COL13A1: variants seen among roughly 807,000 people sequenced by gnomAD.
COL13A1 encodes the protein collagen type XIII alpha 1 chain.
COL13A1 carries 89 observed loss-of-function variants against 130.9 expected under a neutral mutation model. The observed-to-expected ratio is 0.68, with a 90% CI of 0.57 to 0.81. The LOEUF (loss-of-function observed/expected upper bound fraction) is 0.81, where lower values mean the gene tolerates loss of function less well. Ranked by LOEUF, COL13A1 falls within the 30% of genes least tolerant of loss-of-function variation. COL13A1 has a pLI of 0.00. For synonymous variants in COL13A1, 402 were observed against 341.6 expected (o/e 1.18, Z -1.95); for missense variants, 879 against 934.6 (o/e 0.94, Z 0.78).
chr10:69,949,339 C>T (rs925520407), intron 38 of COL13A1, among the ~76,000 whole-genome samples: 1 of 152,196 alleles, frequency 6.6e-6, no homozygotes, highest in African/African-American at 2.4e-5. Context: ...TGCGCCACCA[C>T]GCCCGGCTAA....
chr10:69,887,793 G>A (rs968371853), intron 8 of COL13A1, among the ~76,000 whole-genome samples: 3 of 152,208 alleles, frequency 2.0e-5, no homozygotes, highest in Admixed American at 1.3e-4. Flanking sequence ...TAGAATGGAC[G>A]ATGCCCTGTG....
At chr10:69,949,990 TTGTGTGTGCGTGTG>T (rs568653437) in intron 38 of COL13A1, among the ~76,000 whole-genome samples, 57 of 149,668 alleles carry the variant, frequency 3.8e-4, no homozygotes, top group East Asian at 1.6e-3. Context: ...GTGCATGTGT[TTGTGTGTGCGTGTG>T]TGTGTACGTC....
chr10:69,941,847 C>T (rs1449010754), intron 35 of COL13A1, among the ~76,000 whole-genome samples: 2 of 152,174 alleles, frequency 1.3e-5, no homozygotes. Flanking sequence ...GGGTATTGAG[C>T]TCACTCGCCC....
intron 6 of COL13A1, among the ~76,000 whole-genome samples, chr10:69,878,433 ATCCTGGAACATCAGCCCTGGGGGG>A (rs1255166395): frequency 6.6e-6 from 1 of 151,938 alleles, no homozygotes; most frequent in Non-Finnish European, 1.5e-5. Context: ...TCCAGAAGCC[ATCCTGGAACATCAGCCCTGGGGGG>A]TTCTTGAGAG....
chr10:69,929,021 G>A (rs752014476), intron 28 of COL13A1, 22 bp downstream of exon 28: 5 of 1,606,722 alleles, frequency 3.1e-6, no homozygotes, highest in South Asian at 2.2e-5. Flanking sequence ...CTTGACAAAG[G>A]GGGTGAAGAC....
At chr10:69,914,754 C>G (rs185002332) in intron 17 of COL13A1, among the ~76,000 whole-genome samples, 1 of 152,306 alleles carries the variant, frequency 6.6e-6, no homozygotes, top group East Asian at 1.9e-4. Flanking sequence ...GACAGGAGCC[C>G]TCAGCTGGTA....
intron 2 of COL13A1, among the ~76,000 whole-genome samples, chr10:69,867,461 G>A (rs549539238): frequency 1.2e-4 from 18 of 152,176 alleles, no homozygotes; most frequent in Non-Finnish European, 1.8e-4. Flanking sequence ...CCACTGTCCC[G>A]TGTTCTGCAA....
rs12259074 is a variant in COL13A1 at position 69,888,022 on chromosome 10, A to G, written c.550-282A>G. On this transcript the variant is annotated intron_variant, in intron 8 of 40. Transcript: ENST00000645393. ...ACACACCACCTACTCTGCACTCAGG[A>G]CAAGGGTGAGGTCCTTGACATTAAT... Among the ~76,000 whole-genome samples, 28,468 of 152,128 alleles carry G rather than the reference A, an allele frequency of 0.19. 2,702 individuals are homozygous for G. Among genetic ancestry groups the G allele is most frequent in the Middle Eastern group, 0.35 (102 of 294 alleles).
At chr10:69,836,869 G>A (rs1850209744) in intron 2 of COL13A1, among the ~76,000 whole-genome samples, 1 of 151,354 alleles carries the variant, frequency 6.6e-6, no homozygotes, top group Admixed American at 6.6e-5. Context: ...ACAGAAAGAT[G>A]CCCAGCAGGC....
At chr10:69,834,079 G>A (rs953691936) in intron 2 of COL13A1, among the ~76,000 whole-genome samples, 14 of 152,162 alleles carry the variant, frequency 9.2e-5, no homozygotes, top group Non-Finnish European at 1.9e-4. Context: ...GTCTTTTTGG[G>A]ACCAGTGGCC....
At chr10:69,834,766 T>C (rs1849618330) in intron 2 of COL13A1, among the ~76,000 whole-genome samples, 1 of 151,960 alleles carries the variant, frequency 6.6e-6, no homozygotes, top group Admixed American at 6.5e-5. Context: ...CAAAGTTCTG[T>C]TTGGGACAAG....
intron 2 of COL13A1, among the ~76,000 whole-genome samples, chr10:69,842,920 C>T (rs1401788103): frequency 6.6e-6 from 1 of 152,216 alleles, no homozygotes; most frequent in Non-Finnish European, 1.5e-5. Context: ...CTTTACATGC[C>T]TCCGGTCTAC....
intron 7 of COL13A1, 106 bp downstream of exon 7, chr10:69,880,659 G>T: frequency 1.7e-6 from 2 of 1,203,120 alleles, no homozygotes; most frequent in Non-Finnish European, 1.2e-6. Flanking sequence ...TGTGCCCCTG[G>T]GTGGGGAGGC....
chr10:69,887,749 C>G (rs557061846), intron 8 of COL13A1, among the ~76,000 whole-genome samples: 1 of 152,316 alleles, frequency 6.6e-6, no homozygotes, highest in East Asian at 1.9e-4. Flanking sequence ...AGTGAAGTCA[C>G]AGGCTGATAA....
Position 69,872,184 on chromosome 10 carries a change from G to C in COL13A1, c.373G>C (p.Gly125Arg), listed in dbSNP as rs1418377845. 3.7e-6 allele frequency: 6 copies of C among 1,614,004 alleles called. No individual in the cohort carries two copies. Among genetic ancestry groups the C allele is most frequent in the Non-Finnish European group, 4.2e-6 (5 of 1,179,902 alleles). The change falls in exon 4 of 41, where the codon GGT becomes CGT. Residue 125 changes from glycine to arginine, a missense_variant and splice_region_variant. This residue lies in a region of COL13A1 where 715 missense variants were observed against 721.0 expected (regional missense o/e 0.99). Transcript: ENST00000645393. ...ACGTAAACGTCACTCTTCATTTCAG[G>C]GTCCCACTGGAAGACCCGGACTCCC... ...PGCNCPPGPP[G>R]PTGRPGLPGD... is the part of the protein sequence containing the mutation.
In COL13A1 at chr10:69,887,804, G is replaced by A. The variant is rs536400534; in HGVS notation, c.549+313G>A. Among the ~76,000 whole-genome samples, 3 of 152,308 alleles carry A rather than the reference G, an allele frequency of 2.0e-5. No individual in the cohort carries two copies. The South Asian group carries it at 6.2e-4, about 32-fold the overall frequency. On this transcript the variant is annotated intron_variant, in intron 8 of 40. Coordinates refer to ENST00000645393, the MANE Select transcript of COL13A1 (RefSeq NM_001368882.1). ...AATATAGAATGGACGATGCCCTGTG[G>A]GAGAACACCCTGCAGCTCAGCCTGT...
At chr10:69,858,498 G>A (rs1245040941) in intron 2 of COL13A1, among the ~76,000 whole-genome samples, 1 of 152,208 alleles carries the variant, frequency 6.6e-6, no homozygotes, top group Admixed American at 6.5e-5. Flanking sequence ...CTCTTGTCCA[G>A]GATTCTGGGC....
chr10:69,854,679 T>G (rs2133643536), intron 2 of COL13A1, among the ~76,000 whole-genome samples: 1 of 152,216 alleles, frequency 6.6e-6, no homozygotes, highest in African/African-American at 2.4e-5. Flanking sequence ...CTGCCAAGGA[T>G]GCCAAGTACG....
Position 69,947,361 on chromosome 10 carries a change from A to C in COL13A1, c.2058+19A>C. The stretch of plus-strand genomic sequence containing the variant: ...AAACCGGGTGAGTCTGAGCCCCTGC[A>C]CTCGTGCTCTAGTTACTAATGTCTT... On this transcript the variant is annotated intron_variant, in intron 38 of 40. Transcript: ENST00000645393. The C allele has an allele frequency of 6.2e-7, 1 of 1,603,154 alleles. No homozygotes were observed. Among genetic ancestry groups the C allele is most frequent in the Non-Finnish European group, 8.5e-7 (1 of 1,173,224 alleles).
Sources: allele counts gnomAD v4.1 joint callset (sites outside exome capture counted in the v4.1 genomes callset), GRCh38; gene constraint gnomAD v4.1.1; regional missense constraint gnomAD v4.1.1; transcripts MANE v1.5; gene names NCBI Gene and HGNC (gene_info 2026-07-23, HGNC 2026-07-21).